The following S100A4 variants were observed in gnomAD, a reference collection of about 807,000 sequenced individuals.
The protein encoded by S100A4 is protein S100-A4.
A neutral mutation model predicts 6.3 loss-of-function variants in S100A4; 4 were observed. The ratio of observed to expected loss-of-function variants is 0.64; its 90% CI spans 0.31 to 1.46. S100A4 has a LOEUF of 1.46. Among genes scored for constraint, S100A4 ranks in the 40% most tolerant of loss-of-function variants. S100A4 has a pLI of 0.07. For missense variants in S100A4, 108 were observed against 120.8 expected (o/e 0.89, Z 0.50); for synonymous variants, 44 against 47.6 (o/e 0.92, Z 0.32).
intron 1 of S100A4, chr1:153,545,024 G>T (rs969176821): frequency 5.6e-6 from 3 of 532,186 alleles, no homozygotes; most frequent in Non-Finnish European, 9.9e-6. Context: ...AAGATCCGCT[G>T]CGCAAGCTCT....
chr1:153,544,992 G>A, intron 1 of S100A4, 183 bp from the exon 2 acceptor site: 1 of 631,060 alleles, frequency 1.6e-6, no homozygotes, highest in South Asian at 2.1e-5. Flanking sequence ...GGGAACACAT[G>A]CTCTGGGCAG....
rs1415975036 is a variant in S100A4, at chr1:153,544,827, A to G, written c.-15-18T>C. On this transcript the variant is annotated intron_variant, in intron 1 of 2. Coordinates refer to ENST00000368716, the MANE Select transcript of S100A4 (RefSeq NM_002961.3). ...GTCAGGATCTGGGAGCAGGAGGCACAGAGACCGTCTTATTAATCCCACCCC... is the reference window on the plus strand; with the variant it reads ...GTCAGGATCTGGGAGCAGGAGGCACGGAGACCGTCTTATTAATCCCACCCC... 2 of 1,613,806 alleles carry G rather than the reference A, an allele frequency of 1.2e-6. No homozygotes were observed. The highest frequency in any genetic ancestry group is 1.7e-6 in the Non-Finnish European group (2 of 1,179,786).
Position 153,544,756 on chromosome 1 carries a change from C to T in S100A4, c.39G>A (p.Val13=), listed in dbSNP as rs1467195691. ...TGCCCGAGTACTTGTGGAAGGTGGA[C>T]ACCATCACATCCAGGGCCTTCTCCA... The part of the protein sequence containing the change: ...CPLEKALDVM[V]STFHKYSGKE... The change falls in exon 2 of 3, where the codon GTG becomes GTA. Residue 13 remains valine (V), a synonymous_variant. Coordinates refer to ENST00000368716, the MANE Select transcript of S100A4 (RefSeq NM_002961.3). 12 of 1,614,118 alleles carry T rather than the reference C, an allele frequency of 7.4e-6. No homozygotes were observed. The East Asian group carries it at 2.7e-4, about 36-fold the overall frequency.
In S100A4 at chr1:153,543,927, G is replaced by A; in HGVS notation, c.142-4C>T. The stretch of plus-strand genomic sequence containing the variant: ...AAGCAGCTTCATCTGTCCTTTTCTG[G>A]AGGGAGAAGAGGCTACAGATAGAAA... On this transcript the variant is annotated splice_polypyrimidine_tract_variant and splice_region_variant and intron_variant, in intron 2 of 2. Transcript: ENST00000368716. 1.9e-6 allele frequency: 3 copies of A among 1,613,854 alleles called. No homozygotes were observed. Among genetic ancestry groups the A allele is most frequent in the Non-Finnish European group, 2.5e-6 (3 of 1,179,984 alleles).
chr1:153,544,655 C>T lies in S100A4; in HGVS notation c.140G>A (p.Gly47Glu), dbSNP rs1571238194. ...CTCACTCAGGCACTACCCACTCACC[C>T]CCAAGAAGCTGGGCAGCTCCCGGGT... is the stretch of plus-strand genomic sequence containing the variant. ...LLTRELPSFL[G>E]KRTDEAAFQK... is the part of the protein sequence containing the mutation. Residue 47 changes from glycine to glutamate, a missense_variant and splice_region_variant, in exon 2 of 3, where the codon GGG becomes GAG. Transcript: ENST00000368716. 6.2e-7 allele frequency: 1 copy of T among 1,614,212 alleles called. No individual in the cohort carries two copies. The highest frequency in any genetic ancestry group is 2.2e-5 in the East Asian group (1 of 44,892).
Position 153,543,716 on chromosome 1 carries a change from A to T in S100A4, c.*43T>A. The T allele has an allele frequency of 6.3e-7, 1 of 1,582,806 alleles. No individual in the cohort carries two copies. ...AAAAAAGTGCCCACTGGCGACAGGG[A>T]GGGCCCCAGCTGGCAGACCCCCCAA... On this transcript the variant is annotated 3_prime_UTR_variant, in exon 3 of 3. Transcript: ENST00000368716.
At chr1:153,544,602 C>T in intron 2 of S100A4, 52 bp downstream of exon 2, 6 of 1,608,494 alleles carry the variant, frequency 3.7e-6, no homozygotes, top group South Asian at 1.1e-5. Flanking sequence ...CTGCTGCCCT[C>T]CTCTGTGGGA....
chr1:153,545,303 G>A (rs1455105245), intron 1 of S100A4, among the ~76,000 whole-genome samples: 1 of 152,228 alleles, frequency 6.6e-6, no homozygotes, highest in Non-Finnish European at 1.5e-5. Context: ...AGCTGCAGAG[G>A]CCATGCACCT....
Position 153,543,718 on chromosome 1 carries a change from G to C in S100A4, c.*41C>G, listed in dbSNP as rs745864185. 7.5e-6 allele frequency: 12 copies of C among 1,589,572 alleles called. No homozygotes were observed. The highest frequency in any genetic ancestry group is 2.0e-4 in the Middle Eastern group (1 of 5,084). ...AAAAGTGCCCACTGGCGACAGGGAGGGCCCCAGCTGGCAGACCCCCCAACC... is the reference window on the plus strand; with the variant it reads ...AAAAGTGCCCACTGGCGACAGGGAGCGCCCCAGCTGGCAGACCCCCCAACC... On this transcript the variant is annotated 3_prime_UTR_variant, in exon 3 of 3. Coordinates refer to ENST00000368716, the MANE Select transcript of S100A4 (RefSeq NM_002961.3).
chr1:153,543,782 C>T lies in S100A4; in HGVS notation c.283G>A (p.Asp95Asn), dbSNP rs370503533. The change falls in exon 3 of 3, where the codon GAT (aspartate) becomes AAT (asparagine). Residue 95 changes from aspartate to asparagine, a missense_variant. Transcript: ENST00000368716. ...MCNEFFEGFP[D>N]KQPRKK ...TTTCATTTCTTCCTGGGCTGCTTAT[C>T]TGGGAAGCCTTCAAAGAATTCGTTA... 2.0e-5 allele frequency: 33 copies of T among 1,614,090 alleles called. No individual in the cohort carries two copies. In the African/African-American group the frequency reaches 4.1e-4, roughly 20 times the overall value.
Position 153,543,863 on chromosome 1 carries a change from T to C in S100A4, c.202A>G (p.Asn68Asp), listed in dbSNP as rs1449256318. The change falls in exon 3 of 3, where the codon AAC (asparagine) becomes GAC (aspartate). Residue 68 changes from asparagine to aspartate, a missense_variant. Transcript: ENST00000368716. ...LMSNLDSNRD[N>D]EVDFQEYCVF... Reference sequence around the variant, plus strand: ...CAGTACTCTTGGAAGTCCACCTCGTTGTCCCTGTTGCTGTCCAAGTTGCTC... The same window carrying C: ...CAGTACTCTTGGAAGTCCACCTCGTCGTCCCTGTTGCTGTCCAAGTTGCTC... 6.2e-7 allele frequency: 1 copy of C among 1,614,220 alleles called. No individual in the cohort carries two copies. The highest frequency in any genetic ancestry group is 1.1e-5 in the South Asian group (1 of 91,084).
Position 153,543,760 on chromosome 1 carries a change from C to T in S100A4, c.305G>A (p.Ter102=), listed in dbSNP as rs1281075256. Residue 102 remains the stop codon, a stop_retained_variant, in exon 3 of 3, where the codon TGA becomes TAA. Coordinates refer to ENST00000368716, the MANE Select transcript of S100A4 (RefSeq NM_002961.3). Reference sequence around the variant, plus strand: ...CCCCCAACCACATCAGAGGAGTTTTCATTTCTTCCTGGGCTGCTTATCTGG... The same window carrying T: ...CCCCCAACCACATCAGAGGAGTTTTTATTTCTTCCTGGGCTGCTTATCTGG... The part of the protein sequence containing the change: ...GFPDKQPRKK[*] 6.2e-7 allele frequency: 1 copy of T among 1,613,526 alleles called. No individual in the cohort carries two copies. The highest frequency in any genetic ancestry group is 8.5e-7 in the Non-Finnish European group (1 of 1,179,834).
chr1:153,544,885 C>A (rs939006448), intron 1 of S100A4, 76 bp from the exon 2 acceptor site: 1 of 1,561,608 alleles, frequency 6.4e-7, no homozygotes, highest in Non-Finnish European at 8.7e-7. Context: ...AGGCTCCACT[C>A]CCATCCCTCC....
At position 153,543,827 on chromosome 1, in the gene S100A4, A is replaced by G. The variant is rs1665465109; in HGVS notation, c.238T>C (p.Ser80Pro). Reference protein sequence around the residue: ...VDFQEYCVFLSCIAMMCNEFF... With the variant: ...VDFQEYCVFLPCIAMMCNEFF... ...TCGTTACACATCATGGCGATGCAGG[A>G]CAGGAAGACACAGTACTCTTGGAAG... is the stretch of plus-strand genomic sequence containing the variant. Residue 80 changes from serine to proline, a missense_variant, in exon 3 of 3, where the codon TCC (serine) becomes CCC (proline). Physicochemically the swap from Ser to Pro is moderately conservative, Grantham distance 74. Coordinates refer to ENST00000368716, the MANE Select transcript of S100A4 (RefSeq NM_002961.3). The G allele has an allele frequency of 6.2e-7, 1 of 1,614,216 alleles. No individual in the cohort carries two copies. The highest frequency in any genetic ancestry group is 8.5e-7 in the Non-Finnish European group (1 of 1,180,036).
At chr1:153,545,381 T>C (rs1374405424) in intron 1 of S100A4, 4 of 155,556 alleles carry the variant, frequency 2.6e-5, no homozygotes, top group Middle Eastern at 3.4e-3. Flanking sequence ...AGGCCCACAG[T>C]TGCCTTCTGC....
Position 153,544,678 on chromosome 1 carries a change from G to T in S100A4, c.117C>A (p.Thr39=). ...LNKSELKELL[T]RELPSFLGKR... Reference sequence around the variant, plus strand: ...CCCCCAAGAAGCTGGGCAGCTCCCGGGTCAGCAGCTCCTTTAGTTCTGACT... The same window carrying T: ...CCCCCAAGAAGCTGGGCAGCTCCCGTGTCAGCAGCTCCTTTAGTTCTGACT... Residue 39 remains threonine (T), a synonymous_variant, in exon 2 of 3, where the codon ACC becomes ACA. Coordinates refer to ENST00000368716, the MANE Select transcript of S100A4 (RefSeq NM_002961.3). The T allele has an allele frequency of 6.2e-7, 1 of 1,614,210 alleles. No homozygotes were observed. The highest frequency in any genetic ancestry group is 8.5e-7 in the Non-Finnish European group (1 of 1,180,018).
rs1176503755 is a variant in S100A4, at chr1:153,544,678, G to A, written c.117C>T (p.Thr39=). 1.9e-6 allele frequency: 3 copies of A among 1,614,092 alleles called. No homozygotes were observed. Among genetic ancestry groups the A allele is most frequent in the East Asian group, 4.5e-5 (2 of 44,900 alleles). The stretch of plus-strand genomic sequence containing the variant: ...CCCCCAAGAAGCTGGGCAGCTCCCG[G>A]GTCAGCAGCTCCTTTAGTTCTGACT... The part of the protein sequence containing the change: ...LNKSELKELL[T]RELPSFLGKR... Residue 39 remains threonine (T), a synonymous_variant, in exon 2 of 3, where the codon ACC becomes ACT. Coordinates refer to ENST00000368716, the MANE Select transcript of S100A4 (RefSeq NM_002961.3).
In S100A4 at chr1:153,543,905, C is replaced by A; in HGVS notation, c.160G>T (p.Ala54Ser). 1 of 1,614,122 alleles carries A rather than the reference C, an allele frequency of 6.2e-7. No individual in the cohort carries two copies. Among genetic ancestry groups the A allele is most frequent in the Non-Finnish European group, 8.5e-7 (1 of 1,180,028 alleles). ...AAGTTGCTCATCAGCTTCTGGAAAG[C>A]AGCTTCATCTGTCCTTTTCTGGAGG... is the stretch of plus-strand genomic sequence containing the variant. ...SFLGKRTDEA[A>S]FQKLMSNLDS... The change falls in exon 3 of 3, where the codon GCT becomes TCT. Residue 54 changes from alanine to serine, a missense_variant. Ala to Ser is a moderately conservative substitution (Grantham distance 99, BLOSUM62 1). Transcript: ENST00000368716.
In S100A4 at chr1:153,543,796, A is replaced by G. The variant is rs1469016393; in HGVS notation, c.269T>C (p.Phe90Ser). ...GGGCTGCTTATCTGGGAAGCCTTCA[A>G]AGAATTCGTTACACATCATGGCGAT... ...SCIAMMCNEF[F>S]EGFPDKQPRK... Residue 90 changes from phenylalanine (F) to serine (S), a missense_variant, in exon 3 of 3, where the codon TTT (phenylalanine) becomes TCT (serine). Coordinates refer to ENST00000368716, the MANE Select transcript of S100A4 (RefSeq NM_002961.3). 3 of 1,614,154 alleles carry G rather than the reference A, an allele frequency of 1.9e-6. No individual in the cohort carries two copies. Among genetic ancestry groups the G allele is most frequent in the Non-Finnish European group, 1.7e-6 (2 of 1,180,018 alleles).
Sources: gnomAD v4.1 joint callset for allele counts (sites outside exome capture counted in the v4.1 genomes callset) on GRCh38, gnomAD v4.1.1 for gene constraint, MANE v1.5 for transcripts, NCBI Gene and HGNC (gene_info 2026-07-23, HGNC 2026-07-21) for gene names.